Variants in VSIG1 observed in about 807,000 individuals in gnomAD.
VSIG1 encodes V-set and immunoglobulin domain-containing protein 1.
A neutral mutation model predicts 20.1 loss-of-function variants in VSIG1; 11 were observed. The ratio of observed to expected loss-of-function variants is 0.55; its 90% CI spans 0.34 to 0.91. VSIG1 has a LOEUF of 0.91. VSIG1 is among the 40% of genes least tolerant of loss of function. VSIG1 has a pLI of 0.02. For missense variants in VSIG1, 283 were observed against 298.8 expected (o/e 0.95, Z 0.39); for synonymous variants, 126 against 116.7 (o/e 1.08, Z -0.52).
chrX:108,066,858 G>A, intron 2 of VSIG1, 78 bp from the exon 3 acceptor site: 1 of 961,689 alleles, frequency 1.0e-6, no homozygotes, highest in South Asian at 2.0e-5. Flanking sequence ...AAGGTAATGT[G>A]TTTAGAAGAA....
upstream of VSIG1, chrX:108,045,047 G>A (rs1312410887): frequency 4.7e-6 from 4 of 851,032 alleles, no homozygotes; most frequent in Admixed American, 3.3e-5. Flanking sequence ...GGCAAACCTC[G>A]GTGTGATCGA....
intron 3 of VSIG1, among the ~76,000 whole-genome samples, chrX:108,070,006 A>T (rs1372925556): frequency 8.9e-6 from 1 of 112,190 alleles, no homozygotes; most frequent in Non-Finnish European, 1.9e-5. Context: ...ATGGGCAAAG[A>T]ACCAGGTGGT....
the VSIG1 span, among the ~76,000 whole-genome samples, chrX:108,019,858 T>C: frequency 4.5e-5 from 5 of 111,408 alleles, no homozygotes; most frequent in Middle Eastern, 4.6e-3. Context: ...CCAGCAAGGA[T>C]TGGGGGACTC....
rs145886558 is a variant in VSIG1, at chrX:108,071,057, G to A, written c.413-1620G>A. Among the ~76,000 whole-genome samples the A allele has an allele frequency of 1.6e-4, 18 of 111,598 alleles. No homozygotes were observed. The East Asian group carries it at 4.2e-3, about 26-fold the overall frequency. ...AGAGGTTAGATAATCTCTTAGTCAC[G>A]TTTTACAGATGAGTCAGCTGAGGTT... On this transcript the variant is annotated intron_variant, in intron 3 of 6. Transcript: ENST00000217957.
At chrX:108,047,921 CATATATATATAT>C (rs1216515432) in intron 1 of VSIG1, among the ~76,000 whole-genome samples, 5 of 60,868 alleles carry the variant, frequency 8.2e-5, no homozygotes, top group African/African-American at 3.6e-4. Context: ...TATATATACA[CATATATATATAT>C]ACACATATAT....
intron 5 of VSIG1, chrX:108,073,604 A>C: frequency 3.1e-6 from 1 of 327,558 alleles, no homozygotes. Flanking sequence ...TGCTTCACAA[A>C]ATCGCTAGAA....
intron 1 of VSIG1, among the ~76,000 whole-genome samples, chrX:108,048,512 A>T (rs2030716503): frequency 1.8e-5 from 2 of 112,366 alleles, no homozygotes; most frequent in Non-Finnish European, 1.9e-5. Flanking sequence ...TCAGAGAGGG[A>T]CATTGCGTTC....
intron 2 of VSIG1, among the ~76,000 whole-genome samples, chrX:108,059,280 C>T (rs1371777606): frequency 2.7e-5 from 3 of 111,515 alleles, no homozygotes; most frequent in Admixed American, 9.5e-5. Context: ...AGGAGCCACA[C>T]GTTGGCCAGT....
chrX:108,073,451 C>T, intron 5 of VSIG1, 82 bp downstream of exon 5: 1 of 1,084,056 alleles, frequency 9.2e-7, no homozygotes, highest in Admixed American at 2.4e-5. Flanking sequence ...AGTTAGGATC[C>T]CCAGTTAGTG....
chrX:108,045,975 A>G (rs1602562232), intron 1 of VSIG1, among the ~76,000 whole-genome samples: 1 of 111,751 alleles, frequency 8.9e-6, no homozygotes, highest in Non-Finnish European at 1.9e-5. Context: ...TATTAATGAC[A>G]TAAGAAAATA....
chrX:108,068,177 G>A (rs929175545), intron 3 of VSIG1, among the ~76,000 whole-genome samples: 3 of 112,011 alleles, frequency 2.7e-5, no homozygotes, highest in Non-Finnish European at 5.6e-5. Flanking sequence ...TTTACTGTGA[G>A]GTTTGCCACT....
intron 1 of VSIG1, 76 bp downstream of exon 1, chrX:108,045,255 A>G (rs769364993): frequency 1.1e-6 from 1 of 909,078 alleles, no homozygotes; most frequent in Non-Finnish European, 1.5e-6. Flanking sequence ...CCACATTTTT[A>G]CATAGAATTT....
chrX:108,042,116 A>G (rs1028643457), upstream of VSIG1, among the ~76,000 whole-genome samples: 1 of 112,297 alleles, frequency 8.9e-6, no homozygotes, highest in African/African-American at 3.2e-5. Context: ...AGTTAATAAC[A>G]TCAAAATCCA....
intron 1 of VSIG1, among the ~76,000 whole-genome samples, chrX:108,053,558 G>A (rs889443854): frequency 3.6e-5 from 4 of 110,880 alleles, no homozygotes; most frequent in Non-Finnish European, 5.7e-5. Context: ...AGCAAGAAAA[G>A]GGAAACAGAA....
the VSIG1 span, among the ~76,000 whole-genome samples, chrX:108,031,232 G>A: frequency 2.7e-5 from 3 of 112,304 alleles, no homozygotes; most frequent in Non-Finnish European, 5.6e-5. Context: ...TGGGCCTTGA[G>A]AGATAGGGCA....
At chrX:108,023,546 C>A in the VSIG1 span, among the ~76,000 whole-genome samples, 1 of 111,857 alleles carries the variant, frequency 8.9e-6, no homozygotes, top group African/African-American at 3.2e-5. Context: ...ATTTGTTAAA[C>A]CATCAGCAGT....
At chrX:108,051,001 A>G (rs752429401) in intron 1 of VSIG1, among the ~76,000 whole-genome samples, 14 of 111,008 alleles carry the variant, frequency 1.3e-4, no homozygotes, top group African/African-American at 4.6e-4. Flanking sequence ...TGAACAACAG[A>G]GGGCAGCCCA....
chrX:108,033,481 A>G, the VSIG1 span, among the ~76,000 whole-genome samples: 1 of 111,920 alleles, frequency 8.9e-6, no homozygotes, highest in Non-Finnish European at 1.9e-5. Context: ...ATTCAAAAGC[A>G]GTGCAGGTAG....
chrX:108,029,158 C>A, the VSIG1 span, among the ~76,000 whole-genome samples: 356 of 112,169 alleles, frequency 3.2e-3, no homozygotes, highest in African/African-American at 0.011. Flanking sequence ...TTTCATGGGA[C>A]ATACTTATGC....
Sources: gnomAD v4.1 joint callset for allele counts (sites outside exome capture counted in the v4.1 genomes callset) on GRCh38, gnomAD v4.1.1 for gene constraint, MANE v1.5 for transcripts, NCBI Gene and HGNC (gene_info 2026-07-23, HGNC 2026-07-21) for gene names.